Variants in RPS6KC1 observed in about 807,000 individuals in gnomAD.
The protein encoded by RPS6KC1 is inactive ribosomal protein S6 kinase delta-1.
A neutral mutation model predicts 103.8 loss-of-function variants in RPS6KC1; 54 were observed. The observed-to-expected ratio is 0.52, with a 90% CI of 0.42 to 0.65. RPS6KC1 has a LOEUF of 0.65. Ranked by LOEUF, RPS6KC1 falls within the 30% of genes least tolerant of loss-of-function variation. The pLI is 0.00. For missense variants in RPS6KC1, 1,151 were observed against 1,253.8 expected (o/e 0.92, Z 1.24); for synonymous variants, 439 against 438.7 (o/e 1.00, Z -0.01).
At chr1:213,514,579 A>G in the RPS6KC1 span, among the ~76,000 whole-genome samples, 1 of 151,960 alleles carries the variant, frequency 6.6e-6, no homozygotes, top group South Asian at 2.1e-4. Context: ...TTATGGCTGC[A>G]TAGTATTCCA....
chr1:213,499,804 A>C, the RPS6KC1 span, among the ~76,000 whole-genome samples: 2 of 152,248 alleles, frequency 1.3e-5, no homozygotes, highest in African/African-American at 2.4e-5. Context: ...TACTGTATTG[A>C]AAAGTGTAGG....
chr1:213,157,462 C>G (rs1266686108), intron 6 of RPS6KC1, among the ~76,000 whole-genome samples: 1 of 152,188 alleles, frequency 6.6e-6, no homozygotes, highest in Non-Finnish European at 1.5e-5. Flanking sequence ...CCGCCTCGGC[C>G]TGCCAAAGTG....
At chr1:213,277,099 A>G (rs1440414600), downstream of RPS6KC1, among the ~76,000 whole-genome samples, 1 of 152,220 alleles carries the variant, frequency 6.6e-6, no homozygotes, top group Non-Finnish European at 1.5e-5. Context: ...TAAGGATTTC[A>G]TATTAAGCCC....
the RPS6KC1 span, among the ~76,000 whole-genome samples, chr1:213,303,243 G>A: frequency 3.9e-5 from 6 of 152,204 alleles, no homozygotes; most frequent in African/African-American, 1.4e-4. Flanking sequence ...AGCGGGGAGA[G>A]GAGAGGATAA....
the RPS6KC1 span, among the ~76,000 whole-genome samples, chr1:213,349,562 A>G: frequency 3.3e-5 from 5 of 152,204 alleles, no homozygotes; most frequent in South Asian, 2.1e-4. Flanking sequence ...GTCAAATGCT[A>G]AAGTTCATCA....
chr1:213,293,671 TGAAAA>T, the RPS6KC1 span, among the ~76,000 whole-genome samples: 4 of 152,150 alleles, frequency 2.6e-5, no homozygotes, highest in South Asian at 2.1e-4. Flanking sequence ...GATGCTGTCT[TGAAAA>T]GAAAAGAACA....
chr1:213,850,080 TTTC>T, the RPS6KC1 span, among the ~76,000 whole-genome samples: 1 of 152,194 alleles, frequency 6.6e-6, no homozygotes, highest in Non-Finnish European at 1.5e-5. Flanking sequence ...AATAGTAACA[TTTC>T]TTATTTTTCT....
At chr1:213,245,225 C>T (rs905373855) in intron 12 of RPS6KC1, among the ~76,000 whole-genome samples, 1 of 152,118 alleles carries the variant, frequency 6.6e-6, no homozygotes, top group African/African-American at 2.4e-5. Flanking sequence ...GTTTTCCTCT[C>T]CTCAAAGGAT....
rs573118697 is a variant in RPS6KC1, at chr1:213,173,480, G to T, written c.952-2920G>T. On this transcript the variant is annotated intron_variant, in intron 7 of 14. Coordinates refer to ENST00000366960, the MANE Select transcript of RPS6KC1 (RefSeq NM_012424.6). ...AAGACTTTTCTTCTCGGCATTCAAG[G>T]CCTGTGAAAACTGACCCTAAGTATA... 3.3e-5 allele frequency among the ~76,000 whole-genome samples: 5 copies of T among 152,250 alleles called. No homozygotes were observed. In the South Asian group the frequency reaches 1.0e-3, roughly 32 times the overall value.
At chr1:213,696,292 G>C in the RPS6KC1 span, among the ~76,000 whole-genome samples, 1 of 152,070 alleles carries the variant, frequency 6.6e-6, no homozygotes, top group African/African-American at 2.4e-5. Flanking sequence ...CTGAGGTCAG[G>C]AGTTTGAGAC....
At chr1:213,481,988 AC>A in the RPS6KC1 span, among the ~76,000 whole-genome samples, 36 of 151,614 alleles carry the variant, frequency 2.4e-4, no homozygotes, top group Admixed American at 1.2e-3. Context: ...AAGTATGTGC[AC>A]CTCCTTCCCT....
the RPS6KC1 span, among the ~76,000 whole-genome samples, chr1:213,809,170 T>C: frequency 6.6e-6 from 1 of 152,300 alleles, no homozygotes; most frequent in East Asian, 1.9e-4. Flanking sequence ...ACTGTGGGGT[T>C]ATTTATTGGC....
chr1:213,806,715 G>A, the RPS6KC1 span, among the ~76,000 whole-genome samples: 1 of 148,338 alleles, frequency 6.7e-6, no homozygotes, highest in African/African-American at 2.5e-5. Flanking sequence ...CACACTGATG[G>A]GTCTTGACTC....
the RPS6KC1 span, among the ~76,000 whole-genome samples, chr1:213,644,681 T>A: frequency 6.6e-6 from 1 of 152,190 alleles, no homozygotes; most frequent in African/African-American, 2.4e-5. Context: ...GTTTCCTCCA[T>A]GTCTTTTCAT....
the RPS6KC1 span, among the ~76,000 whole-genome samples, chr1:213,599,986 G>A: frequency 1.4e-5 from 2 of 143,088 alleles, no homozygotes; most frequent in African/African-American, 5.2e-5. Flanking sequence ...ATGTGTAGAG[G>A]GAGGGAGGTG....
the RPS6KC1 span, among the ~76,000 whole-genome samples, chr1:213,747,987 G>A: frequency 1 from 152,333 of 152,352 alleles, 76,157 homozygotes; most frequent in Middle Eastern, 1. Context: ...GTGATGAAAT[G>A]CTAATTAATT....
At chr1:213,484,685 G>A in the RPS6KC1 span, among the ~76,000 whole-genome samples, 11 of 152,220 alleles carry the variant, frequency 7.2e-5, no homozygotes, top group African/African-American at 2.7e-4. Context: ...TGGGTGTCAT[G>A]TACCTTCTAA....
the RPS6KC1 span, among the ~76,000 whole-genome samples, chr1:213,682,606 G>C: frequency 6.6e-6 from 1 of 152,190 alleles, no homozygotes; most frequent in Non-Finnish European, 1.5e-5. Flanking sequence ...ATTCCCTGTA[G>C]ATCTGAGATC....
chr1:213,808,124 C>G, the RPS6KC1 span, among the ~76,000 whole-genome samples: 576 of 152,256 alleles, frequency 3.8e-3, 4 homozygotes, highest in African/African-American at 0.012. Flanking sequence ...GCTGTCTGAT[C>G]GTTCCTCTGG....
Sources: gnomAD v4.1 joint callset for allele counts (sites outside exome capture counted in the v4.1 genomes callset) on GRCh38, gnomAD v4.1.1 for gene constraint, MANE v1.5 for transcripts, NCBI Gene and HGNC (gene_info 2026-07-23, HGNC 2026-07-21) for gene names.